Variants in SH3D19 observed in about 807,000 individuals in gnomAD.
SH3D19 encodes SH3 domain-containing protein 19.
Under a neutral mutation model 112.1 loss-of-function variants are expected in SH3D19, and 58 were observed. The observed-to-expected ratio is 0.52, with a 90% CI of 0.42 to 0.64. The LOEUF (loss-of-function observed/expected upper bound fraction) is 0.64, where lower values mean the gene tolerates loss of function less well. Among genes scored for constraint, SH3D19 ranks in the 30% least tolerant of loss-of-function variants. The pLI, the probability that SH3D19 is intolerant of heterozygous loss-of-function variation, is 0.00. For synonymous variants in SH3D19, 391 were observed against 448.5 expected (o/e 0.87, Z 1.62); for missense variants, 1,090 against 1,263.4 (o/e 0.86, Z 2.08).
At chr4:151,178,246 C>A (rs1429684405) in intron 4 of SH3D19, among the ~76,000 whole-genome samples, 1 of 152,228 alleles carries the variant, frequency 6.6e-6, no homozygotes, top group Non-Finnish European at 1.5e-5. Context: ...CAAACAGCAA[C>A]TGTGTGACCC....
intron 1 of SH3D19, among the ~76,000 whole-genome samples, chr4:151,292,813 A>C (rs1449926047): frequency 6.6e-6 from 1 of 152,224 alleles, no homozygotes; most frequent in Non-Finnish European, 1.5e-5. Flanking sequence ...ACTTAAAGTA[A>C]GTACATTTTG....
At chr4:151,258,285 C>T (rs867000372) in intron 1 of SH3D19, among the ~76,000 whole-genome samples, 4 of 152,100 alleles carry the variant, frequency 2.6e-5, no homozygotes, top group Non-Finnish European at 2.9e-5. Flanking sequence ...AAACACTGGT[C>T]AGAAAACTGA....
In SH3D19 at chr4:151,325,357, G is replaced by C; in HGVS notation, c.-5C>G. The C allele has an allele frequency of 8.3e-7, 1 of 1,204,666 alleles. No individual in the cohort carries two copies. The highest frequency in any genetic ancestry group is 1.0e-6 in the Non-Finnish European group (1 of 969,356). The allele number at this position is 1,204,666 out of a possible 1,614,324, so 74.6% of individuals were successfully genotyped here. A position where few individuals can be genotyped will look rare whatever the true frequency, so the allele number is the denominator to read the frequency against. ...CCGCCGCCGGCCCTCAGCCATGGGC[G>C]AGGCGCGGGGCGCAGCCGCGGGATG... is the stretch of plus-strand genomic sequence containing the variant. On this transcript the variant is annotated 5_prime_UTR_variant, in exon 1 of 20. Transcript: ENST00000604030.
chr4:151,225,912 CT>C, intron 2 of SH3D19, 134 bp downstream of exon 2: 1 of 503,090 alleles, frequency 2.0e-6, no homozygotes, highest in Non-Finnish European at 3.1e-6. Context: ...TAAGATTTCC[CT>C]TATGAAGCTT....
In SH3D19 at chr4:151,175,217, G is replaced by A. The variant is rs1184792287; in HGVS notation, c.987C>T (p.Ser329=). The A allele has an allele frequency of 3.7e-6, 6 of 1,614,194 alleles. No individual in the cohort carries two copies. The South Asian group carries it at 6.6e-5, about 18-fold the overall frequency. Reference sequence around the variant, plus strand: ...TGGGAGCTACAGAAGGTTTCCCTGAGGAAACAGTAGGCTTTGGAGGAAGTG... The same window carrying A: ...TGGGAGCTACAGAAGGTTTCCCTGAAGAAACAGTAGGCTTTGGAGGAAGTG... ...PRSLPPKPTV[S]SGKPSVAPKP... The change falls in exon 7 of 20, where the codon TCC becomes TCT. Residue 329 remains serine, a synonymous_variant. Transcript: ENST00000604030.
chr4:151,252,902 G>A (rs1016916103), intron 1 of SH3D19, among the ~76,000 whole-genome samples: 1 of 152,138 alleles, frequency 6.6e-6, no homozygotes, highest in African/African-American at 2.4e-5. Context: ...AGCAAGTCCT[G>A]TGTGTTCTAC....
At chr4:151,288,025 A>G (rs1404120536) in intron 1 of SH3D19, among the ~76,000 whole-genome samples, 1 of 148,280 alleles carries the variant, frequency 6.7e-6, no homozygotes, top group African/African-American at 2.5e-5. Flanking sequence ...CAAAAACCAT[A>G]TGATCATGTC....
chr4:151,232,869 A>G (rs965989020), intron 1 of SH3D19, among the ~76,000 whole-genome samples: 2 of 152,182 alleles, frequency 1.3e-5, no homozygotes, highest in African/African-American at 4.8e-5. Context: ...GTATTATCTT[A>G]AAGTTCTAGA....
chr4:151,286,616 A>C (rs1038942267), intron 1 of SH3D19, among the ~76,000 whole-genome samples: 1 of 151,230 alleles, frequency 6.6e-6, no homozygotes, highest in Non-Finnish European at 1.5e-5. Flanking sequence ...AAAAAAAAAA[A>C]CTACGAAGAA....
chr4:151,317,341 G>A (rs1323759645), intron 1 of SH3D19, among the ~76,000 whole-genome samples: 2 of 152,120 alleles, frequency 1.3e-5, no homozygotes, highest in Non-Finnish European at 2.9e-5. Flanking sequence ...AAAAGCTAAG[G>A]CCCAGAAAGA....
chr4:151,260,340 A>T (rs1359111002), intron 1 of SH3D19, among the ~76,000 whole-genome samples: 1 of 152,318 alleles, frequency 6.6e-6, no homozygotes, highest in Admixed American at 6.5e-5. Flanking sequence ...TCTCAAGGGT[A>T]ACATGGTCAG....
rs115784719 is a variant in SH3D19, at chr4:151,259,111, G to A, written c.113-33025C>T. ...TGCAGTATGCTATAATCATCCCACT[G>A]TACTTCTAGCCCAGGTAACAGAGTG... is the stretch of plus-strand genomic sequence containing the variant. On this transcript the variant is annotated intron_variant, in intron 1 of 19. Transcript: ENST00000604030. Among the ~76,000 whole-genome samples the A allele has an allele frequency of 7.7e-3, 1,166 of 152,096 alleles. 13 individuals are homozygous for A. The highest frequency in any genetic ancestry group is 0.03 in the South Asian group (147 of 4,820).
chr4:151,306,803 G>A (rs1728958000), intron 1 of SH3D19, among the ~76,000 whole-genome samples: 1 of 152,206 alleles, frequency 6.6e-6, no homozygotes, highest in Non-Finnish European at 1.5e-5. Context: ...TTCCTGAAGA[G>A]GCTGTCAAAT....
chr4:151,146,245 C>G (rs1753886993), intron 11 of SH3D19, among the ~76,000 whole-genome samples: 1 of 152,106 alleles, frequency 6.6e-6, no homozygotes, highest in Non-Finnish European at 1.5e-5. Flanking sequence ...ACAAGCTACT[C>G]TGTCGTTCAA....
intron 2 of SH3D19, among the ~76,000 whole-genome samples, chr4:151,223,346 C>T (rs945174427): frequency 6.6e-6 from 1 of 152,142 alleles, no homozygotes; most frequent in Non-Finnish European, 1.5e-5. Flanking sequence ...ATTTCTCCTA[C>T]ATGGGATCCA....
chr4:151,160,494 C>A (rs1449280740), intron 8 of SH3D19, among the ~76,000 whole-genome samples: 2 of 152,062 alleles, frequency 1.3e-5, no homozygotes, highest in African/African-American at 4.8e-5. Context: ...ATAATGTAGC[C>A]CCAACTTATT....
At chr4:151,283,363 A>G (rs1394912594) in intron 1 of SH3D19, 1 of 1,374,158 alleles carries the variant, frequency 7.3e-7, no homozygotes, top group Non-Finnish European at 1.0e-6. Context: ...TCTGTAAATA[A>G]CAGTGGATTG....
chr4:151,178,890 A>T lies in SH3D19; in HGVS notation c.236+465T>A, dbSNP rs181440169. ...ACTGGTCCTTCCTTCTATCTACCCA[A>T]ATATTATCTTTCCTCCCTTCTCTTT... On this transcript the variant is annotated intron_variant, in intron 4 of 19. Coordinates refer to ENST00000604030, the MANE Select transcript of SH3D19 (RefSeq NM_001378122.1). Among the ~76,000 whole-genome samples the T allele has an allele frequency of 2.3e-3, 348 of 152,178 alleles. 2 individuals are homozygous for T. Among genetic ancestry groups the T allele is most frequent in the African/African-American group, 7.1e-3 (294 of 41,504 alleles).
rs1579777792 is a variant in SH3D19 at position 151,147,555 on chromosome 4, A to T, written c.2082+367T>A. 2.0e-5 allele frequency among the ~76,000 whole-genome samples: 3 copies of T among 152,258 alleles called. No individual in the cohort carries two copies. The Middle Eastern group carries it at 0.01, about 518-fold the overall frequency. ...TGGCTCACTGCAACCTCTGCCTCCC[A>T]GGCTCAAGCAATTCTCATGCCTCAG... is the stretch of plus-strand genomic sequence containing the variant. On this transcript the variant is annotated intron_variant, in intron 11 of 19. Transcript: ENST00000604030.
Sources: gnomAD v4.1 joint callset for allele counts (sites outside exome capture counted in the v4.1 genomes callset) on GRCh38, gnomAD v4.1.1 for gene constraint, MANE v1.5 for transcripts, NCBI Gene and HGNC (gene_info 2026-07-23, HGNC 2026-07-21) for gene names.